The following DCAF6 variants were observed in gnomAD, a reference collection of about 807,000 sequenced individuals.
DCAF6 encodes the protein DDB1- and CUL4-associated factor 6.
A neutral mutation model predicts 125.1 loss-of-function variants in DCAF6; 54 were observed. The observed-to-expected ratio is 0.43, with a 90% CI of 0.35 to 0.54. DCAF6 has a LOEUF of 0.54. DCAF6 is among the 20% of genes least tolerant of loss of function. The probability of loss-of-function intolerance (pLI) is 0.01; values close to 1 mark genes in which losing one functional copy is unlikely to be tolerated. For missense variants in DCAF6, 934 were observed against 1,161.7 expected, an observed-to-expected ratio of 0.80 and a Z score of 2.85; for synonymous variants, 371 against 390.4, an observed-to-expected ratio of 0.95 and a Z score of 0.58.
intron 2 of DCAF6, among the ~76,000 whole-genome samples, chr1:167,956,785 C>CT (rs1176039219): frequency 6.6e-6 from 1 of 152,036 alleles, no homozygotes; most frequent in Non-Finnish European, 1.5e-5. Context: ...GTTCAAAATA[C>CT]TTTTTAATTT....
the DCAF6 span, among the ~76,000 whole-genome samples, chr1:167,930,448 T>A: frequency 6.6e-6 from 1 of 152,046 alleles, no homozygotes; most frequent in South Asian, 2.1e-4. Flanking sequence ...AAATAAATAA[T>A]CCAACAAGGA....
chr1:167,991,391 T>C (rs1224382404), intron 6 of DCAF6, 52 bp downstream of exon 6: 4 of 1,480,624 alleles, frequency 2.7e-6, no homozygotes, highest in Non-Finnish European at 2.7e-6. Context: ...AAAGAGTAAA[T>C]CTCTATGACA....
At chr1:167,964,814 G>A (rs1676150993) in intron 2 of DCAF6, among the ~76,000 whole-genome samples, 1 of 152,030 alleles carries the variant, frequency 6.6e-6, no homozygotes, top group African/African-American at 2.4e-5. Flanking sequence ...TTCCTCAATT[G>A]TGTCTAGTCT....
chr1:167,974,566 A>G (rs1677845663), intron 3 of DCAF6, among the ~76,000 whole-genome samples: 1 of 152,170 alleles, frequency 6.6e-6, no homozygotes. Flanking sequence ...AGTCAGATAA[A>G]CTAAATAAAT....
chr1:167,952,707 C>T (rs73024143), intron 2 of DCAF6, among the ~76,000 whole-genome samples: 4,303 of 152,174 alleles, frequency 0.028, 150 homozygotes, highest in African/African-American at 0.081. Context: ...TTCTCTCCAG[C>T]TCAAAATGAC....
chr1:168,016,323 C>G (rs1684974707), intron 11 of DCAF6, among the ~76,000 whole-genome samples: 1 of 151,848 alleles, frequency 6.6e-6, no homozygotes, highest in South Asian at 2.1e-4. Context: ...TGGCTCCTAG[C>G]TCTTCTTCTT....
the DCAF6 span, chr1:167,878,455 G>T: frequency 3.1e-5 from 50 of 1,613,874 alleles, no homozygotes; most frequent in Admixed American, 2.0e-4. Context: ...CACTTTCTCA[G>T]TACGGCCCCA....
At chr1:168,021,259 T>G (rs937430858) in intron 11 of DCAF6, among the ~76,000 whole-genome samples, 17 of 152,136 alleles carry the variant, frequency 1.1e-4, no homozygotes, top group African/African-American at 4.1e-4. Context: ...GAGTTTATAG[T>G]TTTCTTACGG....
intron 1 of DCAF6, among the ~76,000 whole-genome samples, chr1:167,939,762 C>CATAAATAAATAAATAAATAA (rs144622238): frequency 2.8e-4 from 43 of 151,434 alleles, no homozygotes; most frequent in Non-Finnish European, 4.6e-4. Flanking sequence ...AACTCTGCGT[C>CATAAATAAATAAATAAATAA]ATAAATAAAT....
the DCAF6 span, among the ~76,000 whole-genome samples, chr1:167,874,880 C>T: frequency 6.6e-6 from 1 of 152,064 alleles, no homozygotes. Context: ...TATAATTATA[C>T]AATGTATGAT....
At chr1:167,888,779 G>A in the DCAF6 span, among the ~76,000 whole-genome samples, 3 of 140,148 alleles carry the variant, frequency 2.1e-5, no homozygotes, top group African/African-American at 8.1e-5. Context: ...AGGAGGCTGA[G>A]GCAGGAGAAT....
At chr1:167,932,734 A>T (rs1453141677), upstream of DCAF6, among the ~76,000 whole-genome samples, 2 of 150,390 alleles carry the variant, frequency 1.3e-5, no homozygotes, top group Non-Finnish European at 3.0e-5. Context: ...GCTTGAACCC[A>T]GGAGGCCAAG....
rs1557862242 is a variant in DCAF6, at chr1:167,936,867, T to C, written c.-45T>C. Reference sequence around the variant, plus strand: ...CGGGTGTCCCCTCCCCCTCCTCCCCTCCCCCACGCGGTGGTCTCCCCTCCC... The same window carrying C: ...CGGGTGTCCCCTCCCCCTCCTCCCCCCCCCCACGCGGTGGTCTCCCCTCCC... On this transcript the variant is annotated 5_prime_UTR_variant, in exon 1 of 22. Transcript: ENST00000367840. The C allele has an allele frequency of 3.0e-5, 19 of 642,188 alleles. No individual in the cohort carries two copies. Among genetic ancestry groups the C allele is most frequent in the Non-Finnish European group, 4.6e-5 (17 of 372,938 alleles). 39.8% of individuals were successfully genotyped at this position (642,188 alleles called of 1,614,324 possible).
chr1:167,874,346 A>T, the DCAF6 span, among the ~76,000 whole-genome samples: 85 of 152,134 alleles, frequency 5.6e-4, no homozygotes, highest in Admixed American at 1.3e-3. Flanking sequence ...AAATAAATAA[A>T]TAAATAAATC....
At chr1:168,013,183 C>G (rs775175827) in intron 10 of DCAF6, among the ~76,000 whole-genome samples, 1 of 152,120 alleles carries the variant, frequency 6.6e-6, no homozygotes, top group African/African-American at 2.4e-5. Context: ...CAGTATGCCA[C>G]TGAGCATCAC....
intron 13 of DCAF6, among the ~76,000 whole-genome samples, chr1:168,041,279 C>A (rs954587304): frequency 6.6e-6 from 1 of 151,896 alleles, no homozygotes; most frequent in Non-Finnish European, 1.5e-5. Flanking sequence ...TTATCTTTTT[C>A]TTATTGCGTT....
At chr1:167,957,101 AT>A (rs113943976) in intron 2 of DCAF6, among the ~76,000 whole-genome samples, 21,031 of 149,896 alleles carry the variant, frequency 0.14, 1,935 homozygotes, top group African/African-American at 0.27. Flanking sequence ...GTGGACATTT[AT>A]TTTTTTTTTA....
intron 11 of DCAF6, among the ~76,000 whole-genome samples, chr1:168,021,121 G>GT (rs889065717): frequency 6.6e-6 from 1 of 151,972 alleles, no homozygotes; most frequent in African/African-American, 2.4e-5. Flanking sequence ...TTCATTAATA[G>GT]TTTTTTCCCC....
chr1:167,952,423 G>A (rs1557883739), intron 2 of DCAF6, among the ~76,000 whole-genome samples: 2 of 152,022 alleles, frequency 1.3e-5, no homozygotes, highest in African/African-American at 4.8e-5. Flanking sequence ...GTTTCACTGT[G>A]TTAGCCAGGA....
Sources: allele counts gnomAD v4.1 joint callset (sites outside exome capture counted in the v4.1 genomes callset), GRCh38; gene constraint gnomAD v4.1.1; transcripts MANE v1.5; gene names NCBI Gene and HGNC (gene_info 2026-07-23, HGNC 2026-07-21).